CCDC171: variants seen among roughly 807,000 people sequenced by gnomAD.
CCDC171 encodes coiled-coil domain containing 171.
In CCDC171, 177 loss-of-function variants were observed where a neutral mutation model predicts 168.2. The ratio of observed to expected loss-of-function variants is 1.05; its 90% confidence interval spans 0.93 to 1.19. CCDC171 has a LOEUF of 1.19. CCDC171 is among the 50% of genes most tolerant of loss of function. The pLI is 0.00. For synonymous variants in CCDC171, 687 were observed against 540.8 expected, an observed-to-expected ratio of 1.27 and a Z score of -3.75; for missense variants, 1,991 against 1,539.0, an observed-to-expected ratio of 1.29 and a Z score of -4.91.
intron 23 of CCDC171, among the ~76,000 whole-genome samples, chr9:15,866,145 C>CT (rs955271863): frequency 1.3e-5 from 2 of 151,722 alleles, no homozygotes; most frequent in Admixed American, 6.6e-5. Flanking sequence ...CATGGAAGGC[C>CT]TTTTTTGCCA....
intron 24 of CCDC171, among the ~76,000 whole-genome samples, chr9:15,904,740 A>C (rs1356828175): frequency 6.6e-6 from 1 of 152,110 alleles, no homozygotes; most frequent in Non-Finnish European, 1.5e-5. Context: ...TTGGATAAAG[A>C]GTCAAGACCC....
At chr9:15,658,493 T>A (rs967924746) in intron 8 of CCDC171, among the ~76,000 whole-genome samples, 1 of 152,170 alleles carries the variant, frequency 6.6e-6, no homozygotes, top group African/African-American at 2.4e-5. Context: ...CATCTGCCCT[T>A]ATCCTCAGAA....
intron 6 of CCDC171, among the ~76,000 whole-genome samples, chr9:16,032,678 C>T (rs540730126): frequency 5.3e-5 from 8 of 152,102 alleles, no homozygotes; most frequent in Non-Finnish European, 1.0e-4. Context: ...AGTACAGTGG[C>T]ACGATCATAG....
At chr9:15,810,703 G>T (rs1453203251) in intron 21 of CCDC171, among the ~76,000 whole-genome samples, 1 of 152,194 alleles carries the variant, frequency 6.6e-6, no homozygotes, top group African/African-American at 2.4e-5. Context: ...CCGAGTGCGG[G>T]GCCTGCCGAG....
At chr9:15,762,877 TAA>T (rs2056528342) in intron 18 of CCDC171, among the ~76,000 whole-genome samples, 1 of 152,154 alleles carries the variant, frequency 6.6e-6, no homozygotes, top group Non-Finnish European at 1.5e-5. Context: ...ATAAATTTTA[TAA>T]AAATGGAGTC....
intron 1 of CCDC171, among the ~76,000 whole-genome samples, chr9:15,561,126 G>A (rs1279007508): frequency 1.3e-5 from 2 of 152,126 alleles, no homozygotes; most frequent in East Asian, 1.9e-4. Flanking sequence ...AACCTCCTCC[G>A]TGACTGCTTA....
At chr9:15,980,022 T>C (rs1417765242) in intron 3 of CCDC171, among the ~76,000 whole-genome samples, 1 of 152,130 alleles carries the variant, frequency 6.6e-6, no homozygotes. Context: ...TTAATCTCTT[T>C]ACCTAAACAA....
the CCDC171 span, among the ~76,000 whole-genome samples, chr9:16,091,755 C>A: frequency 2.0e-4 from 30 of 152,276 alleles, no homozygotes; most frequent in Middle Eastern, 3.4e-3. Context: ...TGGTAGAGTA[C>A]CTTGGATGCA....
At chr9:15,571,805 T>C (rs760442957) in intron 3 of CCDC171, 46 bp downstream of exon 3, 1 of 1,509,132 alleles carries the variant, frequency 6.6e-7, no homozygotes, top group Non-Finnish European at 8.9e-7. Flanking sequence ...TTGAGTTTGA[T>C]TTTTTAGATT....
intron 1 of CCDC171, among the ~76,000 whole-genome samples, chr9:16,052,535 C>A (rs533054618): frequency 2.0e-5 from 3 of 152,174 alleles, no homozygotes; most frequent in Non-Finnish European, 4.4e-5. Flanking sequence ...GGAAGAGTAA[C>A]TCACTGATCT....
intron 25 of CCDC171, among the ~76,000 whole-genome samples, chr9:15,941,640 T>A (rs948580103): frequency 7.9e-5 from 12 of 151,986 alleles, no homozygotes; most frequent in Non-Finnish European, 8.8e-5. Context: ...TGTGATAACT[T>A]TATTTAGATT....
At chr9:16,093,557 A>C in the CCDC171 span, among the ~76,000 whole-genome samples, 11 of 152,248 alleles carry the variant, frequency 7.2e-5, no homozygotes, top group Non-Finnish European at 1.6e-4. Context: ...TGAAGAAAGA[A>C]GGAGAAAAGA....
At chr9:15,671,120 C>G (rs1467283898) in intron 9 of CCDC171, among the ~76,000 whole-genome samples, 2 of 152,122 alleles carry the variant, frequency 1.3e-5, no homozygotes, top group Non-Finnish European at 2.9e-5. Flanking sequence ...AAAATACTTG[C>G]AGAATCAACA....
intron 25 of CCDC171, among the ~76,000 whole-genome samples, chr9:15,943,289 C>T (rs1011286862): frequency 6.6e-6 from 1 of 151,978 alleles, no homozygotes; most frequent in South Asian, 2.1e-4. Flanking sequence ...AAGACTTTTT[C>T]TTTAGATCTG....
At chr9:16,023,323 G>T (rs1394407394) in intron 6 of CCDC171, among the ~76,000 whole-genome samples, 1 of 152,118 alleles carries the variant, frequency 6.6e-6, no homozygotes, top group Non-Finnish European at 1.5e-5. Context: ...GCCATGTTTA[G>T]TATAGCAAAA....
intron 18 of CCDC171, among the ~76,000 whole-genome samples, chr9:15,752,223 A>G (rs931534685): frequency 1.3e-4 from 20 of 152,228 alleles, no homozygotes; most frequent in Non-Finnish European, 2.6e-4. Context: ...CACACCAGTT[A>G]GAATGGCGAT....
chr9:15,791,922 C>T (rs2135602385), intron 21 of CCDC171, among the ~76,000 whole-genome samples: 1 of 152,246 alleles, frequency 6.6e-6, no homozygotes, highest in South Asian at 2.1e-4. Context: ...AGCACCTCTC[C>T]CCCTCCAGAG....
intron 10 of CCDC171, among the ~76,000 whole-genome samples, chr9:15,681,946 T>C (rs1267021238): frequency 3.9e-5 from 6 of 152,140 alleles, no homozygotes; most frequent in Non-Finnish European, 7.4e-5. Flanking sequence ...CTTTTGAGCA[T>C]AATAGTTTCA....
chr9:15,632,374 A>C (rs1358686797), intron 7 of CCDC171, among the ~76,000 whole-genome samples: 1 of 152,004 alleles, frequency 6.6e-6, no homozygotes, highest in Non-Finnish European at 1.5e-5. Context: ...TTATACACCA[A>C]TAACAGACAA....
Sources: allele counts gnomAD v4.1 joint callset (sites outside exome capture counted in the v4.1 genomes callset), GRCh38; gene constraint gnomAD v4.1.1; transcripts MANE v1.5; gene names NCBI Gene and HGNC (gene_info 2026-07-23, HGNC 2026-07-21).